Variants in APOL5 observed in about 807,000 individuals in gnomAD.
APOL5 encodes apolipoprotein L, 5.
A neutral mutation model predicts 35.5 loss-of-function variants in APOL5; 29 were observed. The observed-to-expected ratio is 0.82, with a 90% CI of 0.61 to 1.11. The LOEUF is 1.11. APOL5 is among the 50% of genes most tolerant of loss of function. The probability of loss-of-function intolerance (pLI) is 0.00; values close to 1 mark genes in which losing one functional copy is unlikely to be tolerated. For synonymous variants in APOL5, 188 were observed against 200.2 expected, an observed-to-expected ratio of 0.94 and a Z score of 0.51; for missense variants, 514 against 530.4, an observed-to-expected ratio of 0.97 and a Z score of 0.30.
At chr22:35,714,173 G>A (rs534142227), upstream of APOL5, among the ~76,000 whole-genome samples, 47 of 152,240 alleles carry the variant, frequency 3.1e-4, no homozygotes, top group Middle Eastern at 3.4e-3. Flanking sequence ...TTAGCCAGGC[G>A]TGGTGGTGCG....
chr22:35,719,017 C>T (rs1194731886), intron 1 of APOL5, among the ~76,000 whole-genome samples: 3 of 151,764 alleles, frequency 2.0e-5, no homozygotes, highest in Admixed American at 6.6e-5. Flanking sequence ...CGAGATCGCA[C>T]CACTGCATTC....
intron 2 of APOL5, among the ~76,000 whole-genome samples, chr22:35,725,846 T>C (rs1252598968): frequency 6.6e-6 from 1 of 152,204 alleles, no homozygotes; most frequent in African/African-American, 2.4e-5. Context: ...TTGTGGCCTC[T>C]GGCTGAATAA....
upstream of APOL5, among the ~76,000 whole-genome samples, chr22:35,715,869 A>G (rs1926728349): frequency 6.6e-6 from 1 of 152,208 alleles, no homozygotes; most frequent in Non-Finnish European, 1.5e-5. Flanking sequence ...GTACCTATCT[A>G]TGTAGAGCAT....
Position 35,726,319 on chromosome 22 carries a change from G to C in APOL5, c.251G>C (p.Arg84Pro). Residue 84 changes from arginine (R) to proline (P), a missense_variant, in exon 3 of 5, where the codon CGA becomes CCA. Physicochemically the swap from Arg to Pro is moderately radical, Grantham distance 103. Around this residue, in one of 3 missense-constraint regions of APOL5, gnomAD observed 254 missense variants for 254.7 expected, o/e 1.00. Coordinates refer to ENST00000249044, the MANE Select transcript of APOL5 (RefSeq NM_030642.1). ...LSYFLFEELM[R>P]CDKDSMPDGN... Reference sequence around the variant, plus strand: ...TACTTTCTGTTTGAAGAGCTGATGCGATGTGACAAAGATTCCATGCCAGAT... The same window carrying C: ...TACTTTCTGTTTGAAGAGCTGATGCCATGTGACAAAGATTCCATGCCAGAT... 1 of 1,614,186 alleles carries C rather than the reference G, an allele frequency of 6.2e-7. No individual in the cohort carries two copies. The highest frequency in any genetic ancestry group is 8.5e-7 in the Non-Finnish European group (1 of 1,180,038).
chr22:35,717,049 T>C (rs955630957), upstream of APOL5, among the ~76,000 whole-genome samples: 6 of 150,930 alleles, frequency 4.0e-5, no homozygotes, highest in Non-Finnish European at 7.4e-5. Flanking sequence ...TTTCTAGAGG[T>C]GGGATGCTGA....
chr22:35,726,459 C>T lies in APOL5; in HGVS notation c.391C>T (p.His131Tyr). 6.2e-7 allele frequency: 1 copy of T among 1,614,210 alleles called. No homozygotes were observed. Among genetic ancestry groups the T allele is most frequent in the Non-Finnish European group, 8.5e-7 (1 of 1,180,042 alleles). Residue 131 changes from histidine to tyrosine, a missense_variant, in exon 3 of 5, where the codon CAC becomes TAC. By Grantham distance (83) the His-to-Tyr change is moderately conservative. Transcript: ENST00000249044. The stretch of plus-strand genomic sequence containing the variant: ...CCTTGCGGACCAAGTTGACACCACT[C>T]ACGAGTTGCTTACCAAGACCAGCCT... ...NTLADQVDTTHELLTKTSLVA... is the reference protein window; with the variant it reads ...NTLADQVDTTYELLTKTSLVA...
rs771320900 is a variant in APOL5, at chr22:35,720,626, C to A, written c.114C>A (p.Val38=). Residue 38 remains valine (V), a synonymous_variant, in exon 2 of 5, where the codon GTC becomes GTA. Transcript: ENST00000249044. Reference sequence around the variant, plus strand: ...GAAAGGTAATCTACGGAGGTGAGGTCTGGGGGAAGTCCCCAGAACCTGAGT... The same window carrying A: ...GAAAGGTAATCTACGGAGGTGAGGTATGGGGGAAGTCCCCAGAACCTGAGT... ...WLRKVIYGGE[V]WGKSPEPEFP... 8 of 1,613,892 alleles carry A rather than the reference C, an allele frequency of 5.0e-6. No homozygotes were observed. The highest frequency in any genetic ancestry group is 1.1e-5 in the South Asian group (1 of 91,016).
the APOL5 span, among the ~76,000 whole-genome samples, chr22:35,708,569 C>T: frequency 1.3e-5 from 2 of 152,128 alleles, no homozygotes; most frequent in African/African-American, 4.8e-5. Context: ...TGTCAAGAAC[C>T]TTCAGGATCA....
At chr22:35,713,110 G>A (rs1926638668), upstream of APOL5, among the ~76,000 whole-genome samples, 1 of 152,178 alleles carries the variant, frequency 6.6e-6, no homozygotes, top group Admixed American at 6.5e-5. Context: ...TCTGAAATTT[G>A]CAGTTATCAA....
At position 35,720,556 on chromosome 22, in the gene APOL5, GT is replaced by G. The variant is rs772650900; in HGVS notation, c.56-11del. On this transcript the variant is annotated splice_polypyrimidine_tract_variant and intron_variant, in intron 1 of 4. Transcript: ENST00000249044. Reference sequence around the variant, plus strand: ...TCAAGAAGAAATGTCCCTGATCCTTGTCCATCTCCAGGCTTGGGAGAAGGTT... The same window carrying G: ...TCAAGAAGAAATGTCCCTGATCCTTGCCATCTCCAGGCTTGGGAGAAGGTT... The G allele has an allele frequency of 3.0e-5, 49 of 1,613,342 alleles. No individual in the cohort carries two copies. The East Asian group carries it at 1.0e-3, about 33-fold the overall frequency.
intron 1 of APOL5, among the ~76,000 whole-genome samples, chr22:35,718,956 G>A (rs1926860987): frequency 6.6e-6 from 1 of 152,066 alleles, no homozygotes; most frequent in African/African-American, 2.4e-5. Context: ...CAACTCGGGA[G>A]GCTGAGACAG....
upstream of APOL5, among the ~76,000 whole-genome samples, chr22:35,715,841 A>G (rs997965699): frequency 2.6e-5 from 4 of 152,222 alleles, no homozygotes. Context: ...TCACTGCATC[A>G]GCTGAAACCT....
At chr22:35,717,443 T>C (rs1464109699), upstream of APOL5, among the ~76,000 whole-genome samples, 1 of 144,474 alleles carries the variant, frequency 6.9e-6, no homozygotes, top group Non-Finnish European at 1.5e-5. Context: ...AAATCATCCT[T>C]CCAAAAGCCA....
chr22:35,724,097 T>A (rs1569152588), intron 2 of APOL5, among the ~76,000 whole-genome samples: 1 of 151,636 alleles, frequency 6.6e-6, no homozygotes, highest in Non-Finnish European at 1.5e-5. Context: ...AAATGTAGAC[T>A]CTTTTACTAA....
chr22:35,719,218 T>C (rs1222416431), intron 1 of APOL5, among the ~76,000 whole-genome samples: 1 of 151,676 alleles, frequency 6.6e-6, no homozygotes, highest in African/African-American at 2.4e-5. Context: ...TTTTGTCAAA[T>C]TATATTTTTT....
chr22:35,729,012 C>T, intron 4 of APOL5, 108 bp downstream of exon 4: 1 of 1,262,880 alleles, frequency 7.9e-7, no homozygotes, highest in East Asian at 2.9e-5. Flanking sequence ...CTAACGGGGA[C>T]AGAGGTTGTT....
the APOL5 span, among the ~76,000 whole-genome samples, chr22:35,708,870 C>T: frequency 3.9e-5 from 6 of 152,176 alleles, no homozygotes; most frequent in Admixed American, 6.5e-5. Flanking sequence ...AGGAACAAAA[C>T]GTGGACTACT....
intron 2 of APOL5, 74 bp downstream of exon 2, chr22:35,720,728 A>G: frequency 5.6e-6 from 6 of 1,076,388 alleles, no homozygotes; most frequent in Non-Finnish European, 8.4e-6. Context: ...TCACAGACCC[A>G]GCACTCAATG....
Position 35,726,395 on chromosome 22 carries a change from C to T in APOL5, c.327C>T (p.His109=), listed in dbSNP as rs779333409. ...TGTTTCTCTCATATTTTCCTTTGCA[C>T]AAGTTTGAGCTAGAACAGAACATCA... ...EKLFLSYFPL[H]KFELEQNIKE... The change falls in exon 3 of 5, where the codon CAC becomes CAT. Residue 109 remains histidine (H), a synonymous_variant. Coordinates refer to ENST00000249044, the MANE Select transcript of APOL5 (RefSeq NM_030642.1). 2.5e-6 allele frequency: 4 copies of T among 1,614,004 alleles called. No homozygotes were observed. The Admixed American group carries it at 6.7e-5, about 27-fold the overall frequency.
Sources: gnomAD v4.1 joint callset for allele counts (sites outside exome capture counted in the v4.1 genomes callset) on GRCh38, gnomAD v4.1.1 for gene constraint, gnomAD v4.1.1 regional missense constraint, MANE v1.5 for transcripts, NCBI Gene and HGNC (gene_info 2026-07-23, HGNC 2026-07-21) for gene names.